Variants in DOCK4 observed in about 807,000 individuals in gnomAD.
DOCK4 encodes the protein dedicator of cytokinesis 4, also known as dedicator of cytokinesis protein 4.
Under a neutral mutation model 268.1 loss-of-function variants are expected in DOCK4, and 97 were observed. The observed-to-expected ratio is 0.36, with a 90% CI of 0.31 to 0.43. DOCK4 has a LOEUF of 0.43. DOCK4 is among the 20% of genes least tolerant of loss of function. The pLI is 1.00. For synonymous variants in DOCK4, 954 were observed against 887.2 expected (o/e 1.08, Z -1.34); for missense variants, 2,145 against 2,455.7 (o/e 0.87, Z 2.67).
At chr7:112,132,254 G>A (rs1813877056) in intron 1 of DOCK4, among the ~76,000 whole-genome samples, 1 of 152,084 alleles carries the variant, frequency 6.6e-6, no homozygotes, top group South Asian at 2.1e-4. Flanking sequence ...TTGCTGAAGA[G>A]GTTTAAGTCA....
intron 1 of DOCK4, among the ~76,000 whole-genome samples, chr7:112,171,067 A>G (rs371419783): frequency 6.6e-6 from 1 of 152,344 alleles, no homozygotes; most frequent in East Asian, 1.9e-4. Context: ...TCCAGGACAC[A>G]ATAAGTATTT....
chr7:111,768,887 T>C (rs924138414), intron 37 of DOCK4, among the ~76,000 whole-genome samples: 34 of 152,200 alleles, frequency 2.2e-4, no homozygotes, highest in African/African-American at 7.7e-4. Flanking sequence ...CAAATTCATA[T>C]GTTGAAATCC....
intron 16 of DOCK4, among the ~76,000 whole-genome samples, chr7:111,894,588 G>C (rs1222161443): frequency 6.6e-6 from 1 of 152,168 alleles, no homozygotes. Flanking sequence ...AGCCTCCAGG[G>C]ATGAGCAGAA....
At chr7:111,988,788 G>A (rs1029811173) in intron 6 of DOCK4, among the ~76,000 whole-genome samples, 3 of 152,128 alleles carry the variant, frequency 2.0e-5, no homozygotes, top group African/African-American at 7.2e-5. Flanking sequence ...ACACCATCAA[G>A]CCACATACGA....
intron 23 of DOCK4, among the ~76,000 whole-genome samples, chr7:111,849,892 T>G (rs116733109): frequency 0.014 from 2,101 of 152,266 alleles, 42 homozygotes; most frequent in African/African-American, 0.046. Context: ...GAAGCCTACC[T>G]GAGTCTTCTG....
intron 1 of DOCK4, among the ~76,000 whole-genome samples, chr7:112,102,512 T>C (rs924361111): frequency 6.6e-6 from 1 of 152,174 alleles, no homozygotes; most frequent in African/African-American, 2.4e-5. Context: ...AGGTGGGGCC[T>C]TTGGGAGGCG....
chr7:111,958,405 G>A (rs1796603076), intron 8 of DOCK4, among the ~76,000 whole-genome samples: 1 of 152,170 alleles, frequency 6.6e-6, no homozygotes, highest in Non-Finnish European at 1.5e-5. Context: ...TTATCCTGTA[G>A]GGAACTTAGG....
chr7:112,012,082 A>G (rs947988650), intron 1 of DOCK4, among the ~76,000 whole-genome samples: 1 of 151,924 alleles, frequency 6.6e-6, no homozygotes, highest in Non-Finnish European at 1.5e-5. Flanking sequence ...AATATATGAG[A>G]ATTTGATGTG....
intron 2 of DOCK4, among the ~76,000 whole-genome samples, chr7:112,001,429 T>G (rs1800413785): frequency 6.6e-6 from 1 of 152,182 alleles, no homozygotes; most frequent in South Asian, 2.1e-4. Context: ...ATTAGTTATT[T>G]ACTAGCCCTC....
At chr7:111,933,232 ATATATACG>A (rs1279393688) in intron 12 of DOCK4, among the ~76,000 whole-genome samples, 2 of 143,438 alleles carry the variant, frequency 1.4e-5, no homozygotes, top group Non-Finnish European at 3.0e-5. Context: ...GTATATACAC[ATATATACG>A]TATATATACA....
rs897617702 is a variant in DOCK4 at position 111,903,613 on chromosome 7, T to C, written c.1193-1812A>G. 5.9e-5 allele frequency among the ~76,000 whole-genome samples: 9 copies of C among 152,362 alleles called. No homozygotes were observed. In the East Asian group the frequency reaches 1.5e-3, roughly 26 times the overall value. On this transcript the variant is annotated intron_variant, in intron 13 of 52. Transcript: ENST00000428084. ...ATATATTTTTTACTCCCACATTTGA[T>C]GTTATTTATTTAACAATTCCATTAT...
At chr7:111,834,302 A>G (rs1803070013) in intron 26 of DOCK4, among the ~76,000 whole-genome samples, 1 of 152,154 alleles carries the variant, frequency 6.6e-6, no homozygotes, top group Admixed American at 6.5e-5. Flanking sequence ...ATTTGTTTTT[A>G]TCTCTTCAGT....
At chr7:111,732,065 G>A (rs1461932470) in intron 52 of DOCK4, among the ~76,000 whole-genome samples, 161 bp downstream of exon 52, 2 of 152,234 alleles carry the variant, frequency 1.3e-5, no homozygotes, top group Non-Finnish European at 2.9e-5. Flanking sequence ...AGAAGGGAAA[G>A]TCCAGTGTTG....
intron 1 of DOCK4, among the ~76,000 whole-genome samples, chr7:112,189,651 A>G (rs1352367979): frequency 6.6e-6 from 1 of 152,102 alleles, no homozygotes; most frequent in Non-Finnish European, 1.5e-5. Context: ...TAAAAATAAT[A>G]CAGTCCTATC....
intron 25 of DOCK4, among the ~76,000 whole-genome samples, chr7:111,842,448 C>T (rs1803773893): frequency 6.6e-6 from 1 of 152,196 alleles, no homozygotes; most frequent in Non-Finnish European, 1.5e-5. Context: ...TCTAGCTGAA[C>T]ACCACAGAAA....
chr7:111,877,295 G>C, intron 16 of DOCK4, 109 bp from the exon 17 acceptor site: 1 of 961,004 alleles, frequency 1.0e-6, no homozygotes, highest in Non-Finnish European at 1.4e-6. Flanking sequence ...ATTCCAAACA[G>C]TATTACAAGT....
intron 37 of DOCK4, among the ~76,000 whole-genome samples, chr7:111,769,253 C>T (rs1247316630): frequency 2.0e-5 from 3 of 152,194 alleles, no homozygotes; most frequent in East Asian, 1.9e-4. Context: ...GCACATTGGA[C>T]TCTCCTAGGG....
intron 1 of DOCK4, among the ~76,000 whole-genome samples, chr7:112,166,816 T>C (rs538412438): frequency 6.6e-6 from 1 of 152,206 alleles, no homozygotes; most frequent in South Asian, 2.1e-4. Flanking sequence ...TTCTGATAAC[T>C]ATATCTGTTT....
intron 1 of DOCK4, among the ~76,000 whole-genome samples, chr7:112,089,359 C>T (rs1477218601): frequency 1.3e-5 from 2 of 152,108 alleles, no homozygotes; most frequent in Non-Finnish European, 2.9e-5. Flanking sequence ...GCCCTGTTGA[C>T]ACTGACCTCC....
Sources: allele counts gnomAD v4.1 joint callset (sites outside exome capture counted in the v4.1 genomes callset), GRCh38; gene constraint gnomAD v4.1.1; transcripts MANE v1.5; gene names NCBI Gene and HGNC (gene_info 2026-07-23, HGNC 2026-07-21).